OR11A1: variants seen among roughly 807,000 people sequenced by gnomAD.
The protein encoded by OR11A1 is olfactory receptor family 11 subfamily A member 1, also known as olfactory receptor 11A1.
For synonymous variants in OR11A1, 158 were observed against 152.2 expected, an observed-to-expected ratio of 1.04 and a Z score of -0.28; for missense variants, 380 against 378.2, an observed-to-expected ratio of 1.00 and a Z score of -0.04.
rs976244648 is a variant in OR11A1, at chr6:29,453,712, G to A, written c.-389+3275C>T. 1.3e-5 allele frequency among the ~76,000 whole-genome samples: 2 copies of A among 152,170 alleles called. No homozygotes were observed. Among genetic ancestry groups the A allele is most frequent in the African/African-American group, 4.8e-5 (2 of 41,436 alleles). Reference sequence around the variant, plus strand: ...AGATAGCTATAGAAGAATTAGATAAGATCTCTACACATTCCTGGCTGACTG... The same window carrying A: ...AGATAGCTATAGAAGAATTAGATAAAATCTCTACACATTCCTGGCTGACTG... On this transcript the variant is annotated intron_variant, in intron 1 of 4. Transcript: ENST00000377149. The surrounding 1 kb of genome is among the most constrained non-coding windows in gnomAD (Gnocchi z 4.5).
intron 1 of OR11A1, among the ~76,000 whole-genome samples, chr6:29,434,839 A>C (rs61643900): frequency 0.085 from 12,970 of 152,212 alleles, 982 homozygotes; most frequent in African/African-American, 0.2. Context: ...AAAGTAGGTG[A>C]TATATTAGCA....
At position 29,453,137 on chromosome 6, in the gene OR11A1, T is replaced by C. The variant is rs1017572491; in HGVS notation, c.-389+3850A>G. Among the ~76,000 whole-genome samples the C allele has an allele frequency of 6.7e-6, 1 of 149,804 alleles. No individual in the cohort carries two copies. The highest frequency in any genetic ancestry group is 1.5e-5 in the Non-Finnish European group (1 of 67,464). ...TTTAAATATAAAGACAGCTTAATCA[T>C]AAATACACTTATAGATTAAAAATAA... On this transcript the variant is annotated intron_variant, in intron 1 of 4. Coordinates refer to ENST00000377149, the MANE Select transcript of OR11A1 (RefSeq NM_001394828.1). The surrounding 1 kb of genome is among the most constrained non-coding windows in gnomAD (Gnocchi z 4.5).
At chr6:29,431,604 A>T (rs1176151133) in intron 2 of OR11A1, among the ~76,000 whole-genome samples, 7 of 152,152 alleles carry the variant, frequency 4.6e-5, no homozygotes, top group Non-Finnish European at 7.4e-5. Flanking sequence ...AGAGAGAATT[A>T]AAAAAATAAG....
rs140745900 is a variant in OR11A1, at chr6:29,447,315, G to C, written c.-389+9672C>G. Among the ~76,000 whole-genome samples, 1,217 of 152,266 alleles carry C rather than the reference G, an allele frequency of 8.0e-3. 14 individuals are homozygous for C. The highest frequency in any genetic ancestry group is 0.025 in the East Asian group (131 of 5,194). On this transcript the variant is annotated intron_variant, in intron 1 of 4. Transcript: ENST00000377149. ...TTTCAAATAGAAACTTTCTAAAGCA[G>C]CCATTGGGAAATAGTTCATTTTTGC...
rs1034703110 is a variant in OR11A1, at chr6:29,431,308, A to T, written c.-265+556T>A. The stretch of plus-strand genomic sequence containing the variant: ...ACAAACATGTTATGTTTGTAAGCAG[A>T]AAACCAAAAAGTTAATTCAGTTTGA... On this transcript the variant is annotated intron_variant, in intron 2 of 4. Coordinates refer to ENST00000377149, the MANE Select transcript of OR11A1 (RefSeq NM_001394828.1). Among the ~76,000 whole-genome samples, 5 of 152,352 alleles carry T rather than the reference A, an allele frequency of 3.3e-5. No individual in the cohort carries two copies. The East Asian group carries it at 9.6e-4, about 29-fold the overall frequency.
In OR11A1 at chr6:29,441,719, G is replaced by A. The variant is rs138519511; in HGVS notation, c.-388-9732C>T. Among the ~76,000 whole-genome samples the A allele has an allele frequency of 8.0e-3, 1,219 of 152,244 alleles. 14 individuals are homozygous for A. The highest frequency in any genetic ancestry group is 0.025 in the East Asian group (131 of 5,182). On this transcript the variant is annotated intron_variant, in intron 1 of 4. Coordinates refer to ENST00000377149, the MANE Select transcript of OR11A1 (RefSeq NM_001394828.1). The stretch of plus-strand genomic sequence containing the variant: ...CATAGTACCTGATAAGCAGTTTATT[G>A]ATCCTCACCCTTCTTCTATCCTCCA...
intron 4 of OR11A1, chr6:29,428,300 G>A: frequency 1.0e-6 from 1 of 985,322 alleles, no homozygotes; most frequent in Non-Finnish European, 1.2e-6. Flanking sequence ...GGAGTTGGTA[G>A]TGAAAATGTG....
intron 3 of OR11A1, among the ~76,000 whole-genome samples, chr6:29,430,083 G>C (rs966855658): frequency 3.3e-5 from 5 of 152,134 alleles, no homozygotes; most frequent in Admixed American, 3.3e-4. Context: ...AAGACTAAAA[G>C]TTCATTTAGC....
intron 4 of OR11A1, chr6:29,428,463 G>A (rs1783009231): frequency 2.0e-5 from 19 of 938,608 alleles, no homozygotes; most frequent in Non-Finnish European, 2.3e-5. Context: ...CCAATTAAGA[G>A]TTGGCCAGGA....
At chr6:29,449,724 C>T (rs1181149113) in intron 1 of OR11A1, among the ~76,000 whole-genome samples, 2 of 152,106 alleles carry the variant, frequency 1.3e-5, no homozygotes, top group African/African-American at 4.8e-5. Context: ...GCAACCTCCA[C>T]CTCCCAGGTT....
At chr6:29,448,838 T>G (rs1167724782) in intron 1 of OR11A1, among the ~76,000 whole-genome samples, 1 of 152,224 alleles carries the variant, frequency 6.6e-6, no homozygotes, top group Non-Finnish European at 1.5e-5. Context: ...CTCTCATCCC[T>G]ATTTCCCTTT....
rs1782892744 is a variant in OR11A1, at chr6:29,427,255, G to A, written c.387C>T (p.Tyr129=). The A allele has an allele frequency of 5.0e-6, 8 of 1,613,104 alleles. No homozygotes were observed. The East Asian group carries it at 1.6e-4, about 31-fold the overall frequency. ...CCATCAGGAGTGGGTAGTGGAGTGGGTAGCAAATTGCCAGGTAGCGGTCAT... is the reference window on the plus strand; with the variant it reads ...CCATCAGGAGTGGGTAGTGGAGTGGATAGCAAATTGCCAGGTAGCGGTCAT... The part of the protein sequence containing the change: ...MAYDRYLAIC[Y]PLHYPLLMGP... The change falls in exon 5 of 5, where the codon TAC becomes TAT. Residue 129 remains tyrosine (Y), a synonymous_variant. Transcript: ENST00000377149.
chr6:29,426,446 T>C lies in OR11A1; in HGVS notation c.*248A>G. The stretch of plus-strand genomic sequence containing the variant: ...ATGAGTACTAGGCTTAATACCTGGG[T>C]GATGAAATAATCTGTACAGTAAACC... On this transcript the variant is annotated 3_prime_UTR_variant, in exon 5 of 5. Coordinates refer to ENST00000377149, the MANE Select transcript of OR11A1 (RefSeq NM_001394828.1). The C allele has an allele frequency of 2.1e-6, 1 of 475,570 alleles. No homozygotes were observed. Among genetic ancestry groups the C allele is most frequent in the Non-Finnish European group, 3.7e-6 (1 of 269,784 alleles). 29.5% of individuals were successfully genotyped at this position (475,570 alleles called of 1,614,324 possible). A position where few individuals can be genotyped will look rare whatever the true frequency, so the allele number is the denominator to read the frequency against.
chr6:29,440,815 C>T (rs150247833), intron 1 of OR11A1: 404 of 1,613,930 alleles, frequency 2.5e-4, no homozygotes, highest in Non-Finnish European at 3.1e-4. Context: ...AGCTACGATC[C>T]GGCCACTGAC....
chr6:29,431,245 G>GA (rs1383039230), intron 2 of OR11A1, among the ~76,000 whole-genome samples: 2 of 151,874 alleles, frequency 1.3e-5, no homozygotes, highest in African/African-American at 2.4e-5. Flanking sequence ...TTAGGTATTA[G>GA]AAAAAAATTT....
rs1407106277 is a variant in OR11A1, at chr6:29,427,720, A to C, written c.-79T>G. ...TCTCTGCATCTTCTATACCAAGCCTAACGTTATTAGAGCTAAAACAAAACA... is the reference window on the plus strand; with the variant it reads ...TCTCTGCATCTTCTATACCAAGCCTCACGTTATTAGAGCTAAAACAAAACA... On this transcript the variant is annotated 5_prime_UTR_variant, in exon 5 of 5. Transcript: ENST00000377149. 4 of 1,503,718 alleles carry C rather than the reference A, an allele frequency of 2.7e-6. No homozygotes were observed. The highest frequency in any genetic ancestry group is 1.4e-5 in the African/African-American group (1 of 70,850). The allele number at this position is 1,503,718 out of a possible 1,614,324, so 93.1% of individuals were successfully genotyped here. A position where few individuals can be genotyped will look rare whatever the true frequency, so the allele number is the denominator to read the frequency against.
intron 3 of OR11A1, 112 bp downstream of exon 3, chr6:29,430,189 A>G: frequency 1.4e-6 from 1 of 702,698 alleles, no homozygotes; most frequent in African/African-American, 1.9e-5. Context: ...TGTCTTCCTT[A>G]ACCTAAACCC....
intron 1 of OR11A1, among the ~76,000 whole-genome samples, chr6:29,455,473 G>T (rs1785988452): frequency 6.6e-6 from 1 of 152,110 alleles, no homozygotes; most frequent in African/African-American, 2.4e-5. Flanking sequence ...CTAATGTATA[G>T]CCTGAGGACT....
intron 1 of OR11A1, among the ~76,000 whole-genome samples, chr6:29,443,195 A>AGCAG (rs1784380775): frequency 6.6e-6 from 1 of 152,186 alleles, no homozygotes; most frequent in African/African-American, 2.4e-5. Flanking sequence ...CCATGTATGC[A>AGCAG]CCATGACATT....
Sources: allele counts gnomAD v4.1 joint callset (sites outside exome capture counted in the v4.1 genomes callset), GRCh38; gene constraint gnomAD v4.1.1; non-coding constraint Gnocchi (gnomAD v3.1); transcripts MANE v1.5; gene names NCBI Gene and HGNC (gene_info 2026-07-23, HGNC 2026-07-21).